The following PLAAT1 variants were observed in gnomAD, a reference collection of about 807,000 sequenced individuals.
PLAAT1 encodes the protein phospholipase A and acyltransferase 1.
In PLAAT1, 13 loss-of-function variants were observed where a neutral mutation model predicts 16.4. That is an observed-to-expected ratio of 0.79 (90% CI 0.52 to 1.26). PLAAT1 has a LOEUF of 1.26. Among genes scored for constraint, PLAAT1 ranks in the 50% most tolerant of loss-of-function variants. The probability of loss-of-function intolerance (pLI) is 0.00; values close to 1 mark genes in which losing one functional copy is unlikely to be tolerated. For synonymous variants in PLAAT1, 73 were observed against 78.4 expected, an observed-to-expected ratio of 0.93 and a Z score of 0.36; for missense variants, 218 against 207.8, an observed-to-expected ratio of 1.05 and a Z score of -0.30.
chr3:193,249,445 A>G (rs1338659980), intron 1 of PLAAT1, among the ~76,000 whole-genome samples: 1 of 152,210 alleles, frequency 6.6e-6, no homozygotes, highest in African/African-American at 2.4e-5. Context: ...GCGGCTTTTG[A>G]ATAACATCAT....
chr3:193,267,492 GTAA>G (rs1054471368), intron 3 of PLAAT1, among the ~76,000 whole-genome samples: 1 of 151,874 alleles, frequency 6.6e-6, no homozygotes, highest in Non-Finnish European at 1.5e-5. Context: ...CTTCTTTCAT[GTAA>G]TAATATGTAT....
intron 1 of PLAAT1, among the ~76,000 whole-genome samples, chr3:193,244,228 C>A (rs1475102735): frequency 6.6e-6 from 1 of 152,044 alleles, no homozygotes; most frequent in Non-Finnish European, 1.5e-5. Flanking sequence ...TATAAATCTT[C>A]ATTGTCTTTA....
At chr3:193,241,601 C>G in intron 1 of PLAAT1, 68 bp downstream of exon 1, 1 of 1,136,780 alleles carries the variant, frequency 8.8e-7, no homozygotes, top group Non-Finnish European at 1.1e-6. Flanking sequence ...AACCAACTGG[C>G]AAGTGGGAAA....
downstream of PLAAT1, chr3:193,275,260 T>C (rs1446570816): frequency 4.3e-6 from 7 of 1,614,076 alleles, no homozygotes; most frequent in Admixed American, 6.7e-5. Flanking sequence ...CCAAATTCTC[T>C]TTTGATCAAC....
intron 2 of PLAAT1, chr3:193,276,731 A>C: frequency 6.5e-7 from 1 of 1,540,806 alleles, no homozygotes; most frequent in Non-Finnish European, 8.9e-7. Flanking sequence ...TCCTAGAAAA[A>C]ATATAGAGAT....
chr3:193,276,899 A>G, intron 2 of PLAAT1: 2 of 1,130,508 alleles, frequency 1.8e-6, no homozygotes, highest in Admixed American at 4.4e-5. Context: ...CATATTAATT[A>G]TTTAATTTAT....
At chr3:193,242,696 C>G (rs917089199) in intron 1 of PLAAT1, among the ~76,000 whole-genome samples, 2 of 152,084 alleles carry the variant, frequency 1.3e-5, no homozygotes, top group Non-Finnish European at 2.9e-5. Flanking sequence ...GAGTGGAACC[C>G]TCCTTTGTAG....
chr3:193,243,306 A>C (rs1026037501), intron 1 of PLAAT1, among the ~76,000 whole-genome samples: 3 of 151,500 alleles, frequency 2.0e-5, no homozygotes, highest in Non-Finnish European at 2.9e-5. Context: ...ATTTGTCTGA[A>C]TGAAATTGGT....
At chr3:193,250,601 G>T (rs1234015632) in intron 1 of PLAAT1, among the ~76,000 whole-genome samples, 1 of 152,168 alleles carries the variant, frequency 6.6e-6, no homozygotes, top group Non-Finnish European at 1.5e-5. Context: ...CACTCCGTGT[G>T]TATGGAAACT....
intron 3 of PLAAT1, among the ~76,000 whole-genome samples, chr3:193,264,514 T>C (rs1716707994): frequency 1.3e-5 from 2 of 151,702 alleles, no homozygotes; most frequent in African/African-American, 4.8e-5. Context: ...TCTTCTTCTT[T>C]TTTTTTTTAG....
intron 1 of PLAAT1, among the ~76,000 whole-genome samples, chr3:193,255,184 CT>C (rs1716327409): frequency 6.6e-6 from 1 of 152,090 alleles, no homozygotes; most frequent in Admixed American, 6.6e-5. Context: ...CATATAAACC[CT>C]TTTTTATATC....
At chr3:193,262,489 A>G (rs1219955074) in intron 2 of PLAAT1, among the ~76,000 whole-genome samples, 1 of 152,070 alleles carries the variant, frequency 6.6e-6, no homozygotes, top group Non-Finnish European at 1.5e-5. Flanking sequence ...GTTGAAAAAC[A>G]AGTTTCAGAC....
chr3:193,275,360 C>A, downstream of PLAAT1: 1 of 1,577,190 alleles, frequency 6.3e-7, no homozygotes. Context: ...TGCAGCCAGG[C>A]CGCTGGCCAC....
chr3:193,249,723 A>C (rs568497924), intron 1 of PLAAT1, among the ~76,000 whole-genome samples: 1 of 152,138 alleles, frequency 6.6e-6, no homozygotes, highest in East Asian at 1.9e-4. Flanking sequence ...ATTATGATTT[A>C]CCAATGACCC....
At chr3:193,263,360 T>C (rs2108798160) in intron 3 of PLAAT1, 125 bp downstream of exon 3, 2 of 905,244 alleles carry the variant, frequency 2.2e-6, no homozygotes, top group South Asian at 3.6e-5. Flanking sequence ...GGATAGAGAA[T>C]GGACTTGAGT....
At chr3:193,275,140 A>G (rs554743528), downstream of PLAAT1, 1 of 1,614,190 alleles carries the variant, frequency 6.2e-7, no homozygotes, top group South Asian at 1.1e-5. Flanking sequence ...CCGTTGATGT[A>G]GAATCCATTT....
At chr3:193,273,126 A>T (rs560054257), downstream of PLAAT1, among the ~76,000 whole-genome samples, 4 of 152,330 alleles carry the variant, frequency 2.6e-5, no homozygotes, top group Admixed American at 2.0e-4. Context: ...TCTATTTTTT[A>T]AAAAATCTTT....
chr3:193,256,408 A>G (rs946784729), intron 2 of PLAAT1, among the ~76,000 whole-genome samples: 1 of 152,208 alleles, frequency 6.6e-6, no homozygotes, highest in African/African-American at 2.4e-5. Flanking sequence ...AGAGGTAAAG[A>G]AACCGGTCAG....
chr3:193,264,173 A>C (rs1375875616), intron 3 of PLAAT1, among the ~76,000 whole-genome samples: 1 of 152,212 alleles, frequency 6.6e-6, no homozygotes, highest in Non-Finnish European at 1.5e-5. Flanking sequence ...AGTATTTTGA[A>C]ATGGTGGATC....
Sources: allele counts gnomAD v4.1 joint callset (sites outside exome capture counted in the v4.1 genomes callset), GRCh38; gene constraint gnomAD v4.1.1; transcripts MANE v1.5; gene names NCBI Gene and HGNC (gene_info 2026-07-23, HGNC 2026-07-21).